The following RAPGEF5 variants were observed in gnomAD, a reference collection of about 807,000 sequenced individuals.
The protein encoded by RAPGEF5 is Rap guanine nucleotide exchange factor 5, also known as M-Ras-regulated GEF.
In RAPGEF5, 65 loss-of-function variants were observed where a neutral mutation model predicts 125.2. The observed-to-expected ratio is 0.52, with a 90% CI of 0.43 to 0.64. RAPGEF5 has a LOEUF of 0.64. Ranked by LOEUF, RAPGEF5 falls within the 30% of genes least tolerant of loss-of-function variation. The pLI is 0.00. For missense variants in RAPGEF5, 958 were observed against 1,048.1 expected (o/e 0.91, Z 1.19); for synonymous variants, 391 against 385.9 (o/e 1.01, Z -0.16).
Position 22,146,975 on chromosome 7 carries a change from C to T in RAPGEF5, c.1929G>A (p.Arg643=). 1 of 1,613,738 alleles carries T rather than the reference C, an allele frequency of 6.2e-7. No homozygotes were observed. The highest frequency in any genetic ancestry group is 1.1e-5 in the South Asian group (1 of 91,052). The part of the protein sequence containing the change: ...ENEESQQRSM[R]ILGMNTWDLA... The stretch of plus-strand genomic sequence containing the variant: ...GATCCCAAGTGTTCATTCCCAAAAT[C>T]CTCATCGACCTTTGCTGTGATTCCT... Residue 643 remains arginine (R), a synonymous_variant, in exon 19 of 26, where the codon AGG becomes AGA. Transcript: ENST00000665637.
rs1784432073 is a variant in RAPGEF5, at chr7:22,356,878, C to T, written c.183G>A (p.Leu61=). Residue 61 remains leucine, a synonymous_variant, in exon 1 of 26, where the codon CTG becomes CTA. Coordinates refer to ENST00000665637, the MANE Select transcript of RAPGEF5 (RefSeq NM_012294.5). ...RPRLRDLPAL[L]RSGLTLRRKR... The stretch of plus-strand genomic sequence containing the variant: ...TCCTCCGCAGCGTGAGCCCGCTCCG[C>T]AGCAGCGCGGGCAGGTCCCTCAGCC... 7 of 1,156,110 alleles carry T rather than the reference C, an allele frequency of 6.1e-6. No individual in the cohort carries two copies. Among genetic ancestry groups the T allele is most frequent in the African/African-American group, 4.9e-5 (3 of 61,570 alleles). The allele number at this position is 1,156,110 out of a possible 1,614,324, so 71.6% of individuals were successfully genotyped here.
intron 6 of RAPGEF5, among the ~76,000 whole-genome samples, chr7:22,282,634 C>A (rs1002792394): frequency 1.3e-5 from 2 of 152,184 alleles, no homozygotes; most frequent in East Asian, 1.9e-4. Context: ...TGGTAATACA[C>A]CCTGTCATGT....
chr7:22,283,179 T>C (rs1191241953), intron 6 of RAPGEF5, among the ~76,000 whole-genome samples: 8 of 152,100 alleles, frequency 5.3e-5, no homozygotes, highest in African/African-American at 1.4e-4. Context: ...ATATTCAAGT[T>C]AAATAATACA....
intron 9 of RAPGEF5, among the ~76,000 whole-genome samples, chr7:22,211,596 A>G (rs1785507441): frequency 6.6e-6 from 1 of 152,242 alleles, no homozygotes; most frequent in African/African-American, 2.4e-5. Context: ...TATGCTGGTT[A>G]CTACTTAATG....
intron 5 of RAPGEF5, among the ~76,000 whole-genome samples, chr7:22,303,885 G>C (rs1449041156): frequency 6.6e-6 from 1 of 152,202 alleles, no homozygotes; most frequent in African/African-American, 2.4e-5. Flanking sequence ...TTGAGGGCTG[G>C]GTAGAATTTG....
At chr7:22,299,258 G>A (rs971742952) in intron 5 of RAPGEF5, among the ~76,000 whole-genome samples, 1 of 151,840 alleles carries the variant, frequency 6.6e-6, no homozygotes, top group Non-Finnish European at 1.5e-5. Context: ...CCATAATTTT[G>A]AGCATGTTAT....
intron 7 of RAPGEF5, among the ~76,000 whole-genome samples, chr7:22,259,752 T>C (rs1782102477): frequency 6.6e-6 from 1 of 152,226 alleles, no homozygotes; most frequent in Non-Finnish European, 1.5e-5. Flanking sequence ...TATTGTACGA[T>C]TCCAACCATA....
At chr7:22,165,183 G>T (rs10250341) in intron 12 of RAPGEF5, among the ~76,000 whole-genome samples, 4,463 of 152,160 alleles carry the variant, frequency 0.029, 84 homozygotes, top group Middle Eastern at 0.058. Context: ...AACTAAATTT[G>T]TGTATATAAT....
At chr7:22,338,781 C>A (rs1784071694) in intron 1 of RAPGEF5, among the ~76,000 whole-genome samples, 1 of 152,192 alleles carries the variant, frequency 6.6e-6, no homozygotes, top group South Asian at 2.1e-4. Flanking sequence ...AAGACGGTGA[C>A]AGGGAAACAT....
intron 5 of RAPGEF5, chr7:22,298,744 A>G (rs1783125807): frequency 6.6e-6 from 1 of 152,164 alleles, no homozygotes; most frequent in African/African-American, 2.4e-5. Flanking sequence ...ATGTAAGCCC[A>G]TTGTTTCCTT....
intron 7 of RAPGEF5, among the ~76,000 whole-genome samples, chr7:22,240,457 C>T (rs1297341044): frequency 6.6e-6 from 1 of 151,932 alleles, no homozygotes; most frequent in African/African-American, 2.4e-5. Context: ...CTGTAACCTC[C>T]ACCTCCCGGG....
At chr7:22,161,797 C>A (rs1001752255) in intron 13 of RAPGEF5, among the ~76,000 whole-genome samples, 3 of 152,136 alleles carry the variant, frequency 2.0e-5, no homozygotes, top group African/African-American at 7.2e-5. Context: ...TGCTAGAATT[C>A]CATTGTATTC....
At chr7:22,232,907 A>G (rs1373339799) in intron 7 of RAPGEF5, among the ~76,000 whole-genome samples, 1 of 152,212 alleles carries the variant, frequency 6.6e-6, no homozygotes, top group Non-Finnish European at 1.5e-5. Context: ...CACGCTTTGG[A>G]TAACTAGGAT....
chr7:22,145,898 G>C (rs561512993), intron 19 of RAPGEF5, among the ~76,000 whole-genome samples: 82 of 152,244 alleles, frequency 5.4e-4, no homozygotes, highest in African/African-American at 1.9e-3. Flanking sequence ...AACAAGACCA[G>C]TAACTATTTA....
chr7:22,251,775 CAAAAAAAAAA>C (rs58681076), intron 7 of RAPGEF5, among the ~76,000 whole-genome samples: 59 of 73,352 alleles, frequency 8.0e-4, no homozygotes, highest in African/African-American at 2.9e-3. Context: ...GTTTCATTGA[CAAAAAAAAAA>C]AAAAAAAAAA....
At chr7:22,144,933 A>G in intron 20 of RAPGEF5, 111 bp downstream of exon 20, 1 of 1,243,948 alleles carries the variant, frequency 8.0e-7, no homozygotes, top group Non-Finnish European at 1.1e-6. Context: ...ATTTAACTCC[A>G]TATTACACGT....
chr7:22,125,853 AACAGTAGC>A (rs1479981989), intron 24 of RAPGEF5, among the ~76,000 whole-genome samples, 195 bp from the exon 25 acceptor site: 3 of 152,166 alleles, frequency 2.0e-5, no homozygotes, highest in Non-Finnish European at 4.4e-5. Flanking sequence ...TATCTGCAAA[AACAGTAGC>A]ACCAGAATGG....
At chr7:22,221,920 A>G (rs1250875845) in intron 8 of RAPGEF5, among the ~76,000 whole-genome samples, 1 of 152,114 alleles carries the variant, frequency 6.6e-6, no homozygotes, top group African/African-American at 2.4e-5. Context: ...AACCTACTAT[A>G]AGTTCTGAGA....
chr7:22,168,171 T>C (rs1354893817), intron 11 of RAPGEF5, among the ~76,000 whole-genome samples: 2 of 152,168 alleles, frequency 1.3e-5, no homozygotes, highest in African/African-American at 4.8e-5. Context: ...GTTGAAACCT[T>C]ACCCCTAGTA....
Sources: gnomAD v4.1 joint callset for allele counts (sites outside exome capture counted in the v4.1 genomes callset) on GRCh38, gnomAD v4.1.1 for gene constraint, MANE v1.5 for transcripts, NCBI Gene and HGNC (gene_info 2026-07-23, HGNC 2026-07-21) for gene names.